NBEA: variants seen among roughly 807,000 people sequenced by gnomAD.
NBEA encodes lysosomal-trafficking regulator 2.
Under a neutral mutation model 343.4 loss-of-function variants are expected in NBEA, and 44 were observed. The observed-to-expected ratio is 0.13, with a 90% CI of 0.10 to 0.16. The LOEUF (loss-of-function observed/expected upper bound fraction) is 0.16, where lower values mean the gene tolerates loss of function less well. Among genes scored for constraint, NBEA ranks in the 10% least tolerant of loss-of-function variants. The probability of loss-of-function intolerance (pLI) is 1.00; values close to 1 mark genes in which losing one functional copy is unlikely to be tolerated. For missense variants in NBEA, 2,555 were observed against 3,631.3 expected (o/e 0.70, Z 7.62); for synonymous variants, 1,175 against 1,238.7 (o/e 0.95, Z 1.08).
chr13:35,007,997 A>T (rs560732542), intron 1 of NBEA, among the ~76,000 whole-genome samples: 21 of 152,184 alleles, frequency 1.4e-4, no homozygotes, highest in Admixed American at 3.3e-4. Context: ...TTGTAAACGC[A>T]ATTTGAGGCT....
At chr13:35,443,207 C>T (rs1027944725) in intron 39 of NBEA, among the ~76,000 whole-genome samples, 3 of 151,936 alleles carry the variant, frequency 2.0e-5, no homozygotes, top group East Asian at 1.9e-4. Flanking sequence ...TACCTAAAGA[C>T]GTAATATTTA....
intron 44 of NBEA, 151 bp from the exon 45 acceptor site, chr13:35,566,754 C>A (rs34559967): frequency 0.32 from 162,182 of 507,410 alleles, 26,493 homozygotes; most frequent in African/African-American, 0.38. Context: ...GAGTGAATTC[C>A]CTTGAAATGC....
chr13:34,943,180 C>T (rs2059083133), intron 1 of NBEA, 66 bp downstream of exon 1: 1 of 1,576,538 alleles, frequency 6.3e-7, no homozygotes, highest in African/African-American at 1.4e-5. Flanking sequence ...CAGCGCCTTT[C>T]CCTCCCACCC....
chr13:35,031,154 C>T (rs1415558019), intron 1 of NBEA, among the ~76,000 whole-genome samples: 1 of 151,638 alleles, frequency 6.6e-6, no homozygotes, highest in Admixed American at 6.6e-5. Flanking sequence ...TTATCGGCTT[C>T]TATTGGTTCA....
At chr13:35,369,278 G>A (rs369581739) in intron 38 of NBEA, among the ~76,000 whole-genome samples, 4 of 150,186 alleles carry the variant, frequency 2.7e-5, no homozygotes, top group East Asian at 3.9e-4. Flanking sequence ...CTATGCATCT[G>A]TTTTTATACC....
chr13:35,547,646 G>A (rs978510845), intron 41 of NBEA, among the ~76,000 whole-genome samples: 2 of 152,156 alleles, frequency 1.3e-5, no homozygotes, highest in African/African-American at 2.4e-5. Flanking sequence ...CCAGCACTTT[G>A]GGAGGCCGAG....
Position 35,259,540 on chromosome 13 carries a change from A to G in NBEA, c.5776+26921A>G, listed in dbSNP as rs563506246. 3.2e-4 allele frequency among the ~76,000 whole-genome samples: 49 copies of G among 152,284 alleles called. 1 individual carries two copies. The highest frequency in any genetic ancestry group is 2.9e-3 in the Admixed American group (44 of 15,296). ...AACATTTCAAGTTTTTGTAAATGAT[A>G]GATTCTATTTTCACATTAGGGGAAA... On this transcript the variant is annotated intron_variant, in intron 34 of 58. Transcript: ENST00000379939.
At chr13:35,073,257 C>A (rs759787173) in intron 10 of NBEA, among the ~76,000 whole-genome samples, 1 of 151,846 alleles carries the variant, frequency 6.6e-6, no homozygotes, top group Non-Finnish European at 1.5e-5. Flanking sequence ...ATGATTGGGA[C>A]CTTGAAATAG....
At chr13:35,131,896 T>A (rs1174884587) in intron 17 of NBEA, among the ~76,000 whole-genome samples, 1 of 152,156 alleles carries the variant, frequency 6.6e-6, no homozygotes, top group Non-Finnish European at 1.5e-5. Context: ...TATTTGGAAG[T>A]AAAGAACGTA....
intron 38 of NBEA, among the ~76,000 whole-genome samples, chr13:35,413,044 C>T (rs1342783515): frequency 6.6e-6 from 1 of 152,114 alleles, no homozygotes; most frequent in Admixed American, 6.6e-5. Flanking sequence ...GGCCTATTTT[C>T]TTGATCACTA....
At chr13:35,173,347 A>C in intron 26 of NBEA, 117 bp from the exon 27 acceptor site, 1 of 895,740 alleles carries the variant, frequency 1.1e-6, no homozygotes, top group Non-Finnish European at 1.6e-6. Flanking sequence ...TGATTTTAAG[A>C]TTAATAGTTT....
chr13:35,603,798 G>A (rs1033285839), intron 47 of NBEA, among the ~76,000 whole-genome samples: 1 of 152,108 alleles, frequency 6.6e-6, no homozygotes, highest in Non-Finnish European at 1.5e-5. Context: ...ACAAGCTTAC[G>A]TTCCTTCCCA....
intron 41 of NBEA, among the ~76,000 whole-genome samples, chr13:35,538,867 T>G (rs973863771): frequency 6.6e-6 from 1 of 152,186 alleles, no homozygotes; most frequent in Non-Finnish European, 1.5e-5. Context: ...TCATCGTGGT[T>G]CAATCCAGGG....
chr13:35,577,532 G>A (rs2080801238), intron 45 of NBEA, among the ~76,000 whole-genome samples: 4 of 151,838 alleles, frequency 2.6e-5, no homozygotes, highest in Admixed American at 1.3e-4. Context: ...TTATTGATTT[G>A]TAAGAGCACA....
At chr13:35,173,757 A>G (rs769137333) in intron 27 of NBEA, among the ~76,000 whole-genome samples, 163 bp downstream of exon 27, 1 of 152,156 alleles carries the variant, frequency 6.6e-6, no homozygotes, top group African/African-American at 2.4e-5. Flanking sequence ...AGATTACTTA[A>G]CTTCTCTGAG....
intron 41 of NBEA, among the ~76,000 whole-genome samples, chr13:35,544,808 G>C (rs1368876334): frequency 1.3e-5 from 2 of 152,126 alleles, no homozygotes; most frequent in Non-Finnish European, 2.9e-5. Flanking sequence ...TTGGGGTCAA[G>C]ATGCTTTAAT....
Position 35,171,166 on chromosome 13 carries a change from T to C in NBEA, c.4243-106T>C, listed in dbSNP as rs901552872. 13 of 923,532 alleles carry C rather than the reference T, an allele frequency of 1.4e-5. No homozygotes were observed. The Admixed American group carries it at 1.5e-4, about 11-fold the overall frequency. 57.2% of individuals were successfully genotyped at this position (923,532 alleles called of 1,614,324 possible). ...GAACATTTATTTTATTTATAAAATA[T>C]GGTAAATATACTAAATTTATGTTCA... On this transcript the variant is annotated intron_variant, in intron 25 of 58. Coordinates refer to ENST00000379939, the MANE Select transcript of NBEA (RefSeq NM_001385012.1).
At chr13:35,470,371 C>A (rs897877783) in intron 40 of NBEA, among the ~76,000 whole-genome samples, 15 of 148,980 alleles carry the variant, frequency 1.0e-4, no homozygotes, top group Non-Finnish European at 1.2e-4. Context: ...TGATGTTTCA[C>A]GATCTTTTTT....
In NBEA at chr13:35,048,661, T is replaced by C; in HGVS notation, c.822T>C (p.Asp274=). ...ATCCATTAAATAATATTAATGTTGA[T>C]AAGGATAAACCTTATCTTTATTGGT... ...RMDPLNNINV[D]KDKPYLYCFR... is the part of the protein sequence containing the mutation. The change falls in exon 5 of 59, where the codon GAT becomes GAC. Residue 274 remains aspartate, a synonymous_variant. Transcript: ENST00000379939. 7.1e-7 allele frequency: 1 copy of C among 1,406,122 alleles called. No homozygotes were observed. The highest frequency in any genetic ancestry group is 1.0e-6 in the Non-Finnish European group (1 of 1,004,224). 87.1% of individuals were successfully genotyped at this position (1,406,122 alleles called of 1,614,324 possible).
Sources: allele counts gnomAD v4.1 joint callset (sites outside exome capture counted in the v4.1 genomes callset), GRCh38; gene constraint gnomAD v4.1.1; transcripts MANE v1.5; gene names NCBI Gene and HGNC (gene_info 2026-07-23, HGNC 2026-07-21).